PLCL2: variants seen among roughly 807,000 people sequenced by gnomAD.
PLCL2 encodes inactive phospholipase C-like protein 2.
PLCL2 carries 4 observed loss-of-function variants against 79.6 expected under a neutral mutation model. The observed-to-expected ratio is 0.05, with a 90% confidence interval of 0.02 to 0.11. PLCL2 has a LOEUF of 0.11. Ranked by LOEUF, PLCL2 falls within the 10% of genes least tolerant of loss-of-function variation. The pLI, the probability that PLCL2 is intolerant of heterozygous loss-of-function variation, is 1.00. For synonymous variants in PLCL2, 484 were observed against 457.7 expected (o/e 1.06, Z -0.73); for missense variants, 895 against 1,291.0 (o/e 0.69, Z 4.70).
Position 17,045,650 on chromosome 3 carries a change from A to G in PLCL2, c.3094+2701A>G, listed in dbSNP as rs184987739. 4.0e-5 allele frequency among the ~76,000 whole-genome samples: 6 copies of G among 151,710 alleles called. No individual in the cohort carries two copies. The East Asian group carries it at 1.2e-3, about 30-fold the overall frequency. ...AAGAAGAGAATGCAGTGACACAGAGAGTTGGGGTAAAAGAGAAATTTTAAT... is the reference window on the plus strand; with the variant it reads ...AAGAAGAGAATGCAGTGACACAGAGGGTTGGGGTAAAAGAGAAATTTTAAT... On this transcript the variant is annotated intron_variant, in intron 4 of 5. Transcript: ENST00000615277.
intron 1 of PLCL2, among the ~76,000 whole-genome samples, chr3:16,998,961 G>A (rs1380854600): frequency 6.6e-6 from 1 of 152,178 alleles, no homozygotes; most frequent in African/African-American, 2.4e-5. Context: ...ACAGGAGAGT[G>A]TGAAATGGAA....
intron 1 of PLCL2, among the ~76,000 whole-genome samples, chr3:16,960,890 T>G (rs1192408022): frequency 6.6e-6 from 1 of 152,228 alleles, no homozygotes; most frequent in Non-Finnish European, 1.5e-5. Flanking sequence ...CAAAGAATAA[T>G]TTCAATAATG....
intron 5 of PLCL2, 24 bp downstream of exon 5, chr3:17,068,089 G>A (rs2065027314): frequency 3.7e-6 from 5 of 1,348,092 alleles, no homozygotes; most frequent in Non-Finnish European, 5.3e-6. Context: ...TGTTTCTGAT[G>A]CTGGTGATTT....
At chr3:17,032,789 G>C (rs17272789) in intron 3 of PLCL2, among the ~76,000 whole-genome samples, 13,290 of 152,220 alleles carry the variant, frequency 0.087, 680 homozygotes, top group South Asian at 0.16. Flanking sequence ...TGGTTATTGA[G>C]TGAATGCAGG....
rs913837086 is a variant in PLCL2, at chr3:17,014,845, C to T, written c.2952C>T (p.Tyr984=). 6.2e-7 allele frequency: 1 copy of T among 1,614,112 alleles called. No homozygotes were observed. The highest frequency in any genetic ancestry group is 1.7e-5 in the Admixed American group (1 of 60,022). The part of the protein sequence containing the change: ...PLVVLNLSEQ[Y]PTMELQGIVP... ...TGGTCCTAAATCTCAGCGAGCAGTA[C>T]CCCACAATGGAGCTGCAGGGAATTG... Residue 984 remains tyrosine, a synonymous_variant, in exon 3 of 6, where the codon TAC becomes TAT. Transcript: ENST00000615277.
chr3:16,984,393 T>C (rs2064028240), intron 1 of PLCL2, among the ~76,000 whole-genome samples: 1 of 152,204 alleles, frequency 6.6e-6, no homozygotes, highest in Admixed American at 6.5e-5. Flanking sequence ...AATAAGGTTT[T>C]ATTAAGTAAT....
intron 1 of PLCL2, among the ~76,000 whole-genome samples, chr3:16,959,151 T>G (rs2063732597): frequency 6.6e-6 from 1 of 152,186 alleles, no homozygotes; most frequent in African/African-American, 2.4e-5. Flanking sequence ...CTCAAAGATC[T>G]CTGGCTTGTT....
chr3:17,053,679 C>G (rs534685373), intron 4 of PLCL2, among the ~76,000 whole-genome samples: 54 of 152,282 alleles, frequency 3.5e-4, no homozygotes, highest in African/African-American at 1.3e-3. Context: ...TTACTTACTT[C>G]CAAGTTACAA....
At chr3:16,969,475 G>A (rs576160721) in intron 1 of PLCL2, among the ~76,000 whole-genome samples, 19 of 152,160 alleles carry the variant, frequency 1.2e-4, no homozygotes, top group African/African-American at 4.6e-4. Flanking sequence ...TTGGGAGGTT[G>A]TATGTTTCCA....
In PLCL2 at chr3:17,042,432, A is replaced by C. The variant is rs116328441; in HGVS notation, c.3019-442A>C. Among the ~76,000 whole-genome samples the C allele has an allele frequency of 3.8e-3, 578 of 152,362 alleles. 3 individuals carry two copies. Among genetic ancestry groups the C allele is most frequent in the African/African-American group, 0.013 (560 of 41,592 alleles). On this transcript the variant is annotated intron_variant, in intron 3 of 5. Transcript: ENST00000615277. ...TTTTTTAATTCTCATTGTATGTTTT[A>C]AACTGAATTTCAGATGAAGACATTT...
At chr3:16,974,394 C>T (rs576491521) in intron 1 of PLCL2, among the ~76,000 whole-genome samples, 25 of 151,922 alleles carry the variant, frequency 1.6e-4, no homozygotes, top group African/African-American at 3.4e-4. Flanking sequence ...TGGGTTTCAG[C>T]GGGGATTTAG....
chr3:17,020,800 T>G (rs1331304213), intron 3 of PLCL2, among the ~76,000 whole-genome samples: 4 of 152,190 alleles, frequency 2.6e-5, no homozygotes, highest in Non-Finnish European at 5.9e-5. Context: ...ATAAAATATG[T>G]GAAATGAAGG....
chr3:16,972,906 AG>A (rs2124980606), intron 1 of PLCL2, among the ~76,000 whole-genome samples: 1 of 152,298 alleles, frequency 6.6e-6, no homozygotes, highest in Admixed American at 6.5e-5. Flanking sequence ...TCTTAAAGAC[AG>A]CATACAGTTG....
chr3:17,089,446 A>G (rs2065252450), intron 5 of PLCL2, among the ~76,000 whole-genome samples: 1 of 152,170 alleles, frequency 6.6e-6, no homozygotes, highest in Non-Finnish European at 1.5e-5. Context: ...GAAAGATGTA[A>G]TTTTAACCAG....
chr3:16,892,641 G>T (rs974559112), intron 1 of PLCL2, among the ~76,000 whole-genome samples: 1 of 152,190 alleles, frequency 6.6e-6, no homozygotes, highest in African/African-American at 2.4e-5. Context: ...TTGTAGGAGT[G>T]CGATCTCTAA....
At chr3:16,891,366 T>C (rs1696345457) in intron 1 of PLCL2, among the ~76,000 whole-genome samples, 1 of 152,206 alleles carries the variant, frequency 6.6e-6, no homozygotes, top group Non-Finnish European at 1.5e-5. Flanking sequence ...TAAGCATTAG[T>C]GTGTTTTTCT....
At chr3:16,946,953 C>CTTTTTTTTTTTTTTTTTTTTTTTTTTTT (rs1056023349) in intron 1 of PLCL2, among the ~76,000 whole-genome samples, 1 of 95,444 alleles carries the variant, frequency 1.0e-5, no homozygotes, top group Non-Finnish European at 1.9e-5. Flanking sequence ...AAGTTTCATT[C>CTTTTTTTTTTTTTTTTTTTTTTTTTTTT]TTTTTTTTTT....
At chr3:16,891,665 A>G (rs1470795227) in intron 1 of PLCL2, among the ~76,000 whole-genome samples, 1 of 152,238 alleles carries the variant, frequency 6.6e-6, no homozygotes. Context: ...ATCCAGGTTT[A>G]CATCTTTTGC....
chr3:17,081,223 T>C (rs1338861030), intron 5 of PLCL2: 1 of 456,762 alleles, frequency 2.2e-6, no homozygotes, highest in Admixed American at 2.3e-5. Flanking sequence ...TTTTTGTGCC[T>C]CAGACTCCCA....
Sources: gnomAD v4.1 joint callset for allele counts (sites outside exome capture counted in the v4.1 genomes callset) on GRCh38, gnomAD v4.1.1 for gene constraint, MANE v1.5 for transcripts, NCBI Gene and HGNC (gene_info 2026-07-23, HGNC 2026-07-21) for gene names.